Variants in FER1L6 observed in about 807,000 individuals in gnomAD.
FER1L6 encodes the protein fer-1 like family member 6, also known as fer-1-like protein 6.
Under a neutral mutation model 219.2 loss-of-function variants are expected in FER1L6, and 177 were observed. The ratio of observed to expected loss-of-function variants is 0.81; its 90% confidence interval spans 0.71 to 0.91. The LOEUF (loss-of-function observed/expected upper bound fraction) is 0.91. FER1L6 is among the 40% of genes least tolerant of loss of function. FER1L6 has a pLI of 0.00. For missense variants in FER1L6, 2,153 were observed against 2,259.9 expected, an observed-to-expected ratio of 0.95 and a Z score of 0.96; for synonymous variants, 768 against 824.3, an observed-to-expected ratio of 0.93 and a Z score of 1.17.
chr8:124,046,285 G>C (rs536563540), intron 21 of FER1L6: 2 of 163,190 alleles, frequency 1.2e-5, no homozygotes, highest in East Asian at 3.5e-4. Flanking sequence ...GAGACAGGAG[G>C]TTTTTACTGA....
intron 10 of FER1L6, 138 bp downstream of exon 10, chr8:123,977,747 C>T (rs1170409430): frequency 8.1e-6 from 6 of 742,248 alleles, no homozygotes; most frequent in Non-Finnish European, 1.3e-5. Flanking sequence ...GACTATTTTT[C>T]CATGAATGGG....
intron 1 of FER1L6, among the ~76,000 whole-genome samples, chr8:123,911,337 TTAATAA>T (rs1050217047): frequency 6.6e-6 from 1 of 152,154 alleles, no homozygotes; most frequent in Admixed American, 6.5e-5. Context: ...GGTCATAGTA[TTAATAA>T]TAATAATAGT....
intron 17 of FER1L6, 23 bp from the exon 18 acceptor site, chr8:124,023,421 C>T: frequency 6.2e-7 from 1 of 1,608,494 alleles, no homozygotes; most frequent in Non-Finnish European, 8.5e-7. Context: ...CCTATTCAAT[C>T]CCAACTCCCT....
rs1023001478 is a variant in FER1L6, at chr8:123,956,038, G to A, written c.40G>A (p.Glu14Lys). The change falls in exon 2 of 41, where the codon GAG becomes AAG. Residue 14 changes from glutamate to lysine, a missense_variant. Glu to Lys is a moderately conservative substitution (Grantham distance 56). Transcript: ENST00000522917. ...GGTGAAGAAGAAGAGAAATAAGGCA[G>A]AGAAGGGGTTAATCCTAGCCAACAA... The part of the protein sequence containing the change: ...LKVKKKRNKA[E>K]KGLILANKAA... The A allele has an allele frequency of 1.9e-6, 3 of 1,612,300 alleles. No individual in the cohort carries two copies. The African/African-American group carries it at 4.0e-5, about 22-fold the overall frequency.
At chr8:124,104,359 A>G (rs565484426) in intron 39 of FER1L6, among the ~76,000 whole-genome samples, 1 of 152,320 alleles carries the variant, frequency 6.6e-6, no homozygotes, top group African/African-American at 2.4e-5. Flanking sequence ...CTCAGAGTCC[A>G]GTGAGAGGGA....
At chr8:124,008,830 CAAA>C (rs1315642256) in intron 13 of FER1L6, among the ~76,000 whole-genome samples, 1 of 152,064 alleles carries the variant, frequency 6.6e-6, no homozygotes, top group Non-Finnish European at 1.5e-5. Context: ...AGACAGTTCT[CAAA>C]AGAAGACACA....
At chr8:123,880,222 A>G (rs1817082801) in intron 1 of FER1L6, among the ~76,000 whole-genome samples, 2 of 152,038 alleles carry the variant, frequency 1.3e-5, no homozygotes, top group Non-Finnish European at 2.9e-5. Flanking sequence ...AAACCAACCA[A>G]CTGATCAACT....
intron 1 of FER1L6, among the ~76,000 whole-genome samples, chr8:123,872,437 C>T (rs1465100367): frequency 1.3e-5 from 2 of 152,004 alleles, no homozygotes; most frequent in African/African-American, 4.8e-5. Flanking sequence ...GAGAAATGGC[C>T]CAGAGGTGCC....
rs1821071041 is a variant in FER1L6 at position 124,071,519 on chromosome 8, T to C, written c.3980T>C (p.Ile1327Thr). The C allele has an allele frequency of 6.2e-7, 1 of 1,614,018 alleles. No homozygotes were observed. The highest frequency in any genetic ancestry group is 1.3e-5 in the African/African-American group (1 of 74,922). The change falls in exon 31 of 41, where the codon ATC becomes ACC. Residue 1327 changes from isoleucine to threonine, a missense_variant. Coordinates refer to ENST00000522917, the MANE Select transcript of FER1L6 (RefSeq NM_001039112.2). ...VIGKFKGSFC[I>T]YKSPQDSSSE... ...TTGTGGTTCCAGGGCTCCTTCTGCA[T>C]CTACAAAAGCCCCCAGGATTCTAGC...
intron 1 of FER1L6, among the ~76,000 whole-genome samples, chr8:123,929,720 C>T (rs923570143): frequency 1.3e-5 from 2 of 152,142 alleles, no homozygotes; most frequent in Non-Finnish European, 2.9e-5. Context: ...CATCAGGGTA[C>T]ATCTTTGGCA....
chr8:123,982,903 T>C (rs1266523307), intron 11 of FER1L6, among the ~76,000 whole-genome samples: 2 of 152,208 alleles, frequency 1.3e-5, no homozygotes, highest in African/African-American at 4.8e-5. Flanking sequence ...GCTGGCCTTC[T>C]CCAGATCCAA....
intron 1 of FER1L6, among the ~76,000 whole-genome samples, chr8:123,893,380 T>C (rs1812684918): frequency 6.6e-6 from 1 of 152,206 alleles, no homozygotes; most frequent in Admixed American, 6.5e-5. Context: ...ACTGAACTAA[T>C]GGAGGACAGA....
chr8:124,098,024 G>T, intron 37 of FER1L6, 141 bp downstream of exon 37: 1 of 508,300 alleles, frequency 2.0e-6, no homozygotes. Flanking sequence ...CACCTTCTTT[G>T]TCTAATATTT....
chr8:123,963,924 T>C (rs766549546), intron 3 of FER1L6, among the ~76,000 whole-genome samples: 1 of 152,260 alleles, frequency 6.6e-6, no homozygotes, highest in Non-Finnish European at 1.5e-5. Context: ...GTTTTGCTGA[T>C]CCCAGATAGT....
chr8:124,114,895 G>GTGTATATATATATA (rs368797867), intron 39 of FER1L6, among the ~76,000 whole-genome samples: 1 of 90,050 alleles, frequency 1.1e-5, no homozygotes, highest in African/African-American at 3.9e-5. Context: ...GTGTGTGTGC[G>GTGTATATATATATA]TATATATATA....
rs1187811885 is a variant in FER1L6, at chr8:124,097,280, C to A, written c.4705C>A (p.Gln1569Lys). Residue 1569 changes from glutamine (Q) to lysine (K), a missense_variant, in exon 36 of 41, where the codon CAG becomes AAG. Physicochemically the swap from Gln to Lys is moderately conservative, Grantham distance 53 (BLOSUM62 1). Transcript: ENST00000522917. ...DKPGMEQGRL[Q>K]MWVDMFPKDM... Reference sequence around the variant, plus strand: ...TTTTTTTCTTAACAAGGGCCGCCTGCAGATGTGGGTGGACATGTTTCCCAA... The same window carrying A: ...TTTTTTTCTTAACAAGGGCCGCCTGAAGATGTGGGTGGACATGTTTCCCAA... 1.9e-6 allele frequency: 3 copies of A among 1,612,508 alleles called. No homozygotes were observed. In the East Asian group the frequency reaches 6.7e-5, roughly 36 times the overall value.
chr8:124,085,942 AC>A (rs1426048666), intron 33 of FER1L6, among the ~76,000 whole-genome samples: 1 of 151,842 alleles, frequency 6.6e-6, no homozygotes, highest in Admixed American at 6.6e-5. Flanking sequence ...TGCTGAATTG[AC>A]CCCTTTATCA....
intron 1 of FER1L6, among the ~76,000 whole-genome samples, chr8:123,877,056 A>C (rs1817016409): frequency 6.6e-6 from 1 of 152,144 alleles, no homozygotes; most frequent in Non-Finnish European, 1.5e-5. Context: ...CTCCTCACCC[A>C]CACTGGTCTG....
chr8:123,970,606 A>C (rs571135310), intron 6 of FER1L6, among the ~76,000 whole-genome samples: 1 of 152,290 alleles, frequency 6.6e-6, no homozygotes, highest in East Asian at 1.9e-4. Context: ...ATTTGGACTA[A>C]GTGGTGGCCA....
Sources: gnomAD v4.1 joint callset for allele counts (sites outside exome capture counted in the v4.1 genomes callset) on GRCh38, gnomAD v4.1.1 for gene constraint, MANE v1.5 for transcripts, NCBI Gene and HGNC (gene_info 2026-07-23, HGNC 2026-07-21) for gene names.